Variants in IL1RAPL2 observed in about 807,000 individuals in gnomAD.
IL1RAPL2 encodes the protein X-linked interleukin-1 receptor accessory protein-like 2.
A neutral mutation model predicts 44.1 loss-of-function variants in IL1RAPL2; 3 were observed. That is an observed-to-expected ratio of 0.07 (90% CI 0.03 to 0.18). The LOEUF (loss-of-function observed/expected upper bound fraction) is 0.18. Among genes scored for constraint, IL1RAPL2 ranks in the 10% least tolerant of loss-of-function variants. The pLI is 1.00. For synonymous variants in IL1RAPL2, 181 were observed against 178.8 expected, an observed-to-expected ratio of 1.01 and a Z score of -0.10; for missense variants, 391 against 496.4, an observed-to-expected ratio of 0.79 and a Z score of 2.02.
chrX:105,450,208 G>A (rs2036009902), intron 5 of IL1RAPL2, among the ~76,000 whole-genome samples: 1 of 111,771 alleles, frequency 8.9e-6, no homozygotes, highest in Admixed American at 9.5e-5. Flanking sequence ...TGAGTTCAAT[G>A]TAAAGTCCCC....
Position 105,210,940 on chromosome X carries a change from T to A in IL1RAPL2, c.356+15192T>A, listed in dbSNP as rs2227047. ...AGCTAAAACATACATGTACCCCCGA[T>A]CAACACAGCTTACAGTCATCAAAGG... On this transcript the variant is annotated intron_variant, in intron 3 of 10. Transcript: ENST00000372582. Among the ~76,000 whole-genome samples, 729 of 110,618 alleles carry A rather than the reference T, an allele frequency of 6.6e-3. 7 individuals carry two copies. The highest frequency in any genetic ancestry group is 0.023 in the African/African-American group (697 of 30,348).
chrX:105,101,180 G>A (rs1351216985), intron 2 of IL1RAPL2, among the ~76,000 whole-genome samples: 4 of 111,981 alleles, frequency 3.6e-5, no homozygotes, highest in Non-Finnish European at 7.5e-5. Context: ...GAAAAAAATG[G>A]CTTCAACACA....
At chrX:105,375,771 T>C (rs1418801364) in intron 5 of IL1RAPL2, among the ~76,000 whole-genome samples, 2 of 112,196 alleles carry the variant, frequency 1.8e-5, no homozygotes, top group Non-Finnish European at 3.8e-5. Flanking sequence ...AACTATAACA[T>C]TCATAATGTT....
At chrX:105,259,536 T>C (rs1328137846) in intron 4 of IL1RAPL2, among the ~76,000 whole-genome samples, 2 of 110,713 alleles carry the variant, frequency 1.8e-5, no homozygotes, top group African/African-American at 6.6e-5. Context: ...TCGAGAGAGG[T>C]GCAGGTCAGC....
At chrX:104,750,782 C>G (rs1366362304) in intron 2 of IL1RAPL2, among the ~76,000 whole-genome samples, 2 of 111,212 alleles carry the variant, frequency 1.8e-5, no homozygotes, top group African/African-American at 6.5e-5. Flanking sequence ...TGACAACTTG[C>G]TATTGTTGTG....
At chrX:104,601,578 A>G (rs1273599409) in intron 1 of IL1RAPL2, among the ~76,000 whole-genome samples, 1 of 111,797 alleles carries the variant, frequency 8.9e-6, no homozygotes, top group Admixed American at 9.5e-5. Context: ...AACTTCTTTG[A>G]GAAATCTCCA....
At chrX:105,571,468 A>G (rs1327260969) in intron 6 of IL1RAPL2, among the ~76,000 whole-genome samples, 2 of 110,914 alleles carry the variant, frequency 1.8e-5, no homozygotes, top group Non-Finnish European at 3.8e-5. Flanking sequence ...ATTTCCCCTC[A>G]TGTTAGTCAA....
chrX:104,585,372 A>ATATAATATATATATTATATAT (rs1928534079), intron 1 of IL1RAPL2, among the ~76,000 whole-genome samples: 2 of 24,743 alleles, frequency 8.1e-5, no homozygotes, highest in African/African-American at 3.0e-4. Flanking sequence ...TATATATATT[A>ATATAATATATATATTATATAT]TATATAATAT....
chrX:105,567,368 T>C (rs2036982095), intron 6 of IL1RAPL2, among the ~76,000 whole-genome samples: 1 of 111,555 alleles, frequency 9.0e-6, no homozygotes, highest in African/African-American at 3.3e-5. Flanking sequence ...TTCTCCATAC[T>C]CTGACATACA....
At chrX:104,601,634 G>T (rs962054988) in intron 1 of IL1RAPL2, among the ~76,000 whole-genome samples, 43 of 111,790 alleles carry the variant, frequency 3.8e-4, no homozygotes, top group African/African-American at 1.4e-3. Context: ...CCTACCAGTA[G>T]TATGTAAGGG....
intron 1 of IL1RAPL2, among the ~76,000 whole-genome samples, chrX:104,617,796 C>A (rs1386713878): frequency 2.7e-5 from 3 of 111,573 alleles, no homozygotes; most frequent in African/African-American, 9.8e-5. Flanking sequence ...TCTTGGGTCT[C>A]AGTGAGCTTC....
chrX:105,315,901 T>G (rs974123375), intron 5 of IL1RAPL2, among the ~76,000 whole-genome samples: 22 of 109,357 alleles, frequency 2.0e-4, no homozygotes, highest in Middle Eastern at 4.7e-3. Context: ...GTTGACTATA[T>G]GCTTTTTGAT....
At chrX:104,607,934 G>A (rs1266950135) in intron 1 of IL1RAPL2, among the ~76,000 whole-genome samples, 1 of 111,964 alleles carries the variant, frequency 8.9e-6, no homozygotes, top group Non-Finnish European at 1.9e-5. Context: ...GCACACGTAT[G>A]TTTATTGTGG....
intron 1 of IL1RAPL2, among the ~76,000 whole-genome samples, chrX:104,630,808 TTGTC>T (rs1929627300): frequency 9.0e-6 from 1 of 110,916 alleles, no homozygotes; most frequent in African/African-American, 3.3e-5. Context: ...TTTCATTTGT[TTGTC>T]TCATTCATTA....
intron 5 of IL1RAPL2, among the ~76,000 whole-genome samples, chrX:105,436,725 T>G: frequency 9.0e-6 from 1 of 110,711 alleles, no homozygotes; most frequent in African/African-American, 3.3e-5. Flanking sequence ...AAGGAGTTGG[T>G]AGGGATAAAG....
chrX:104,966,030 C>T (rs2030114956), intron 2 of IL1RAPL2, among the ~76,000 whole-genome samples: 1 of 111,321 alleles, frequency 9.0e-6, no homozygotes, highest in Admixed American at 9.6e-5. Context: ...TAATGAAAGA[C>T]ATAGCTTCAG....
chrX:105,540,080 A>C (rs1485156919), intron 6 of IL1RAPL2, among the ~76,000 whole-genome samples: 41 of 111,527 alleles, frequency 3.7e-4, no homozygotes, highest in Admixed American at 2.9e-4. Context: ...ATGCTTATAT[A>C]CTGTTAGTTG....
rs372080675 is a variant in IL1RAPL2 at position 104,925,217 on chromosome X, CAA to C, written c.82+266238_82+266239del. On this transcript the variant is annotated intron_variant, in intron 2 of 10. Coordinates refer to ENST00000372582, the MANE Select transcript of IL1RAPL2 (RefSeq NM_017416.2). ...GAATCAGTAATAAAATGTCTCCCACCAAAAAAAAAAAAAAAAAGCCCAGGACC... is the reference window on the plus strand; with the variant it reads ...GAATCAGTAATAAAATGTCTCCCACCAAAAAAAAAAAAAAAGCCCAGGACC... 5.7e-4 allele frequency among the ~76,000 whole-genome samples: 38 copies of C among 66,097 alleles called. 1 individual carries two copies. In the South Asian group the frequency reaches 0.01, roughly 18 times the overall value. The allele number at this position is 66,097 out of a possible 115,157, so 57.4% of individuals were successfully genotyped here.
At chrX:105,141,706 T>G (rs911358251) in intron 2 of IL1RAPL2, among the ~76,000 whole-genome samples, 2 of 111,752 alleles carry the variant, frequency 1.8e-5, no homozygotes, top group Non-Finnish European at 3.8e-5. Context: ...TCACAACCAA[T>G]AGTTATTTTC....
Sources: gnomAD v4.1 joint callset for allele counts (sites outside exome capture counted in the v4.1 genomes callset) on GRCh38, gnomAD v4.1.1 for gene constraint, MANE v1.5 for transcripts, NCBI Gene and HGNC (gene_info 2026-07-23, HGNC 2026-07-21) for gene names.